Variants in ASCC3 observed in about 807,000 individuals in gnomAD.
ASCC3 encodes the protein ASC-1 complex subunit P200.
ASCC3 carries 158 observed loss-of-function variants against 256.3 expected under a neutral mutation model. The ratio of observed to expected loss-of-function variants is 0.62; its 90% CI spans 0.54 to 0.70. The LOEUF is 0.70. Among genes scored for constraint, ASCC3 ranks in the 30% least tolerant of loss-of-function variants. The pLI, the probability that ASCC3 is intolerant of heterozygous loss-of-function variation, is 0.00. For missense variants in ASCC3, 2,259 were observed against 2,626.0 expected, an observed-to-expected ratio of 0.86 and a Z score of 3.05; for synonymous variants, 948 against 883.4, an observed-to-expected ratio of 1.07 and a Z score of -1.30.
At position 100,606,785 on chromosome 6, in the gene ASCC3, A is replaced by T; in HGVS notation, c.4999T>A (p.Tyr1667Asn). ...TAACGTCTTGTTTTTCCATCATAGT[A>T]TTCTGTTCCCTTAATAATTACTAAA... ...AHLVIIKGTE[Y>N]YDGKTRRYVD... Residue 1667 changes from tyrosine to asparagine, a missense_variant, in exon 32 of 42, where the codon TAC becomes AAC. By Grantham distance (143) the Tyr-to-Asn change is moderately radical. This residue lies in a region of ASCC3 where 1,839 missense variants were observed against 2,206.7 expected (regional missense o/e 0.83). Coordinates refer to ENST00000369162, the MANE Select transcript of ASCC3 (RefSeq NM_006828.4). The T allele has an allele frequency of 6.2e-7, 1 of 1,611,480 alleles. No individual in the cohort carries two copies. Among genetic ancestry groups the T allele is most frequent in the Non-Finnish European group, 8.5e-7 (1 of 1,178,860 alleles).
At chr6:100,600,162 T>C (rs1211058692) in intron 34 of ASCC3, among the ~76,000 whole-genome samples, 1 of 151,268 alleles carries the variant, frequency 6.6e-6, no homozygotes, top group Non-Finnish European at 1.5e-5. Flanking sequence ...GATAAATATA[T>C]CTACAGTTAC....
chr6:100,805,072 T>C (rs1201710257), intron 5 of ASCC3, among the ~76,000 whole-genome samples: 3 of 152,072 alleles, frequency 2.0e-5, no homozygotes, highest in Admixed American at 6.6e-5. Flanking sequence ...TACGTAGCCA[T>C]AAAAAGAAGA....
intron 10 of ASCC3, among the ~76,000 whole-genome samples, chr6:100,729,564 A>T (rs1421401890): frequency 6.6e-6 from 1 of 152,196 alleles, no homozygotes; most frequent in East Asian, 1.9e-4. Flanking sequence ...CTGGCTTAAG[A>T]CACAAAAATG....
At chr6:100,723,904 T>TTA (rs1401851010) in intron 11 of ASCC3, among the ~76,000 whole-genome samples, 4 of 130,524 alleles carry the variant, frequency 3.1e-5, no homozygotes, top group Non-Finnish European at 6.5e-5. Flanking sequence ...ATATTTATAA[T>TTA]TATATATATG....
At chr6:100,632,949 A>G (rs1023840907) in intron 25 of ASCC3, among the ~76,000 whole-genome samples, 2 of 152,158 alleles carry the variant, frequency 1.3e-5, no homozygotes, top group Admixed American at 1.3e-4. Flanking sequence ...AAAATAAACA[A>G]ATAGGTGTAC....
intron 27 of ASCC3, among the ~76,000 whole-genome samples, chr6:100,628,577 G>A (rs942792591): frequency 6.6e-5 from 10 of 151,876 alleles, no homozygotes; most frequent in East Asian, 1.9e-4. Context: ...GTAGCACCTC[G>A]CCCACCACCT....
rs544923434 is a variant in ASCC3, at chr6:100,824,307, G to A, written c.802-18427C>T. Among the ~76,000 whole-genome samples the A allele has an allele frequency of 2.6e-5, 4 of 152,216 alleles. No homozygotes were observed. The East Asian group carries it at 7.7e-4, about 29-fold the overall frequency. On this transcript the variant is annotated intron_variant, in intron 4 of 41. Transcript: ENST00000369162. The stretch of plus-strand genomic sequence containing the variant: ...TTTAAAGCAAATAAAACTTACAAAA[G>A]TTTTGTCAGTTCCATTCTGTTTCCA...
At position 100,662,656 on chromosome 6, in the gene ASCC3, T is replaced by G. The variant is rs2114933359; in HGVS notation, c.2287-120A>C. 3.4e-6 allele frequency: 3 copies of G among 881,538 alleles called. No homozygotes were observed. In the South Asian group the frequency reaches 4.5e-5, roughly 13 times the overall value. 54.6% of individuals were successfully genotyped at this position (881,538 alleles called of 1,614,324 possible). A position where few individuals can be genotyped will look rare whatever the true frequency, so the allele number is the denominator to read the frequency against. ...ATTATTTTTAAGCATCTTAAGGTATTACTAGGTCTTAGTATATAATGCTTT... is the reference window on the plus strand; with the variant it reads ...ATTATTTTTAAGCATCTTAAGGTATGACTAGGTCTTAGTATATAATGCTTT... On this transcript the variant is annotated intron_variant, in intron 14 of 41. Transcript: ENST00000369162.
At chr6:100,797,978 C>T (rs1769715638) in intron 8 of ASCC3, among the ~76,000 whole-genome samples, 1 of 152,022 alleles carries the variant, frequency 6.6e-6, no homozygotes, top group Non-Finnish European at 1.5e-5. Flanking sequence ...AAAGAAAATA[C>T]ATATGGACAC....
chr6:100,589,535 G>T, intron 36 of ASCC3, 99 bp downstream of exon 36: 2 of 1,416,258 alleles, frequency 1.4e-6, no homozygotes, highest in East Asian at 2.4e-5. Flanking sequence ...AGAGGAAAGG[G>T]CTTTACAAAT....
chr6:100,799,360 A>G (rs1328269490), intron 7 of ASCC3, 71 bp downstream of exon 7: 9 of 1,551,244 alleles, frequency 5.8e-6, no homozygotes, highest in African/African-American at 4.1e-5. Context: ...ACGAAGGAAC[A>G]GGGAAAATCC....
chr6:100,797,469 A>T (rs1769680573), intron 8 of ASCC3, among the ~76,000 whole-genome samples: 2 of 141,330 alleles, frequency 1.4e-5, no homozygotes, highest in African/African-American at 5.3e-5. Flanking sequence ...TCAAAAAAAA[A>T]AAAAAAATGA....
chr6:100,832,243 G>A (rs1241358172), intron 4 of ASCC3, among the ~76,000 whole-genome samples: 1 of 152,114 alleles, frequency 6.6e-6, no homozygotes, highest in Non-Finnish European at 1.5e-5. Flanking sequence ...CAAAAAGACT[G>A]CAAGTCTTTC....
Position 100,798,769 on chromosome 6 carries a change from C to G in ASCC3, c.1339G>C (p.Glu447Gln). 1 of 1,613,092 alleles carries G rather than the reference C, an allele frequency of 6.2e-7. No homozygotes were observed. Among genetic ancestry groups the G allele is most frequent in the Non-Finnish European group, 8.5e-7 (1 of 1,179,538 alleles). Residue 447 changes from glutamate (E) to glutamine (Q), a missense_variant, in exon 8 of 42, where the codon GAA (glutamate) becomes CAA (glutamine). Around this residue, in one of 2 missense-constraint regions of ASCC3, gnomAD observed 1,839 missense variants for 2,206.7 expected, o/e 0.83. Coordinates refer to ENST00000369162, the MANE Select transcript of ASCC3 (RefSeq NM_006828.4). ...TCCTCAAAGCTGAGTGGCATTGGTTCGCTGTAGGGAATCCTTACTTCTTCA... is the reference window on the plus strand; with the variant it reads ...TCCTCAAAGCTGAGTGGCATTGGTTGGCTGTAGGGAATCCTTACTTCTTCA... ...LYEEVRIPYS[E>Q]PMPLSFEEKP... is the part of the protein sequence containing the mutation.
chr6:100,776,207 T>C (rs1168034080), intron 8 of ASCC3, among the ~76,000 whole-genome samples: 1 of 152,112 alleles, frequency 6.6e-6, no homozygotes, highest in African/African-American at 2.4e-5. Flanking sequence ...TATACATTAA[T>C]GAATACATAA....
chr6:100,750,236 T>A (rs1181366549), intron 10 of ASCC3, among the ~76,000 whole-genome samples: 1 of 152,024 alleles, frequency 6.6e-6, no homozygotes, highest in Non-Finnish European at 1.5e-5. Flanking sequence ...CAAGTGAAAC[T>A]TGAACTTTTA....
At chr6:100,837,355 T>A (rs1462658965) in intron 4 of ASCC3, among the ~76,000 whole-genome samples, 1 of 152,040 alleles carries the variant, frequency 6.6e-6, no homozygotes, top group Non-Finnish European at 1.5e-5. Context: ...AAAATACAAC[T>A]ATCATATGAT....
intron 30 of ASCC3, 129 bp from the exon 31 acceptor site, chr6:100,607,217 AC>A: frequency 1.1e-6 from 1 of 951,406 alleles, no homozygotes; most frequent in African/African-American, 1.7e-5. Context: ...AGTCCTATAT[AC>A]AGTTATGATT....
intron 36 of ASCC3, among the ~76,000 whole-genome samples, chr6:100,584,830 C>A (rs180674449): frequency 1.2e-3 from 188 of 152,078 alleles, no homozygotes; most frequent in African/African-American, 4.4e-3. Context: ...TTTTATTTCT[C>A]CTTCAGTTAT....
Sources: allele counts gnomAD v4.1 joint callset (sites outside exome capture counted in the v4.1 genomes callset), GRCh38; gene constraint gnomAD v4.1.1; regional missense constraint gnomAD v4.1.1; transcripts MANE v1.5; gene names NCBI Gene and HGNC (gene_info 2026-07-23, HGNC 2026-07-21).